The following CNTNAP2 variants were observed in gnomAD, a reference collection of about 807,000 sequenced individuals.
CNTNAP2 encodes the protein contactin associated protein 2.
Under a neutral mutation model 155.2 loss-of-function variants are expected in CNTNAP2, and 98 were observed. The observed-to-expected ratio is 0.63, with a 90% CI of 0.54 to 0.75. The LOEUF (loss-of-function observed/expected upper bound fraction) is 0.75, where lower values mean the gene tolerates loss of function less well. CNTNAP2 is among the 30% of genes least tolerant of loss of function. CNTNAP2 has a pLI of 0.00. For synonymous variants in CNTNAP2, 651 were observed against 631.2 expected, an observed-to-expected ratio of 1.03 and a Z score of -0.47; for missense variants, 1,727 against 1,688.1, an observed-to-expected ratio of 1.02 and a Z score of -0.40.
chr7:146,191,058 T>C (rs1798695494), intron 1 of CNTNAP2, among the ~76,000 whole-genome samples: 1 of 152,168 alleles, frequency 6.6e-6, no homozygotes, highest in Non-Finnish European at 1.5e-5. Flanking sequence ...TTCTTTCTGG[T>C]CACCAATTAT....
At chr7:148,021,613 G>T (rs1163075820) in intron 15 of CNTNAP2, among the ~76,000 whole-genome samples, 3 of 152,236 alleles carry the variant, frequency 2.0e-5, no homozygotes, top group Admixed American at 6.5e-5. Context: ...CTCCACCTGC[G>T]AGAGACGGCG....
intron 21 of CNTNAP2, among the ~76,000 whole-genome samples, chr7:148,342,994 C>T (rs1798261337): frequency 6.6e-6 from 1 of 152,150 alleles, no homozygotes; most frequent in Admixed American, 6.5e-5. Flanking sequence ...GGCTCCAGCC[C>T]CACACACTCT....
chr7:148,049,547 C>T (rs1382881139), intron 15 of CNTNAP2, among the ~76,000 whole-genome samples: 2 of 152,094 alleles, frequency 1.3e-5, no homozygotes, highest in African/African-American at 4.8e-5. Flanking sequence ...GTTCACACCA[C>T]ACAATGTCGT....
chr7:148,061,920 T>TATAGATAGATAG (rs112163050), intron 15 of CNTNAP2, among the ~76,000 whole-genome samples: 1,322 of 125,276 alleles, frequency 0.011, 69 homozygotes, highest in South Asian at 0.021. Context: ...GATAAACAGA[T>TATAGATAGATAG]ATAGATAGAT....
At chr7:146,659,758 AAG>A (rs1800055978) in intron 1 of CNTNAP2, among the ~76,000 whole-genome samples, 1 of 152,262 alleles carries the variant, frequency 6.6e-6, no homozygotes, top group Non-Finnish European at 1.5e-5. Context: ...ACGAACATTA[AAG>A]GAGTTTCTTA....
At chr7:148,038,649 C>A (rs903620977) in intron 15 of CNTNAP2, among the ~76,000 whole-genome samples, 2 of 152,070 alleles carry the variant, frequency 1.3e-5, no homozygotes, top group South Asian at 2.1e-4. Context: ...TGTTTGGTAC[C>A]CATTAAATGT....
At chr7:148,064,284 T>C (rs1330740315) in intron 15 of CNTNAP2, among the ~76,000 whole-genome samples, 1 of 152,154 alleles carries the variant, frequency 6.6e-6, no homozygotes, top group Non-Finnish European at 1.5e-5. Flanking sequence ...GGTATTTTGA[T>C]GGGAATTGCA....
At chr7:146,832,701 G>A in intron 2 of CNTNAP2, among the ~76,000 whole-genome samples, 1 of 150,000 alleles carries the variant, frequency 6.7e-6, no homozygotes, top group Admixed American at 6.7e-5. Context: ...ATGTCAACAT[G>A]GAAATATTAC....
At chr7:147,862,018 A>AAAAAAAAAAAAAAAAAAAC (rs1799143504) in intron 13 of CNTNAP2, among the ~76,000 whole-genome samples, 1 of 131,976 alleles carries the variant, frequency 7.6e-6, no homozygotes, top group Non-Finnish European at 1.7e-5. Flanking sequence ...AAAAAAAAAA[A>AAAAAAAAAAAAAAAAAAAC]AAAAATTAAG....
At chr7:146,629,396 A>G (rs1206702992) in intron 1 of CNTNAP2, among the ~76,000 whole-genome samples, 2 of 152,192 alleles carry the variant, frequency 1.3e-5, no homozygotes, top group African/African-American at 4.8e-5. Context: ...AATAAGGTTT[A>G]TTAAAATCCA....
At chr7:147,593,394 A>G (rs1800775102) in intron 12 of CNTNAP2, among the ~76,000 whole-genome samples, 2 of 151,416 alleles carry the variant, frequency 1.3e-5, no homozygotes, top group Admixed American at 1.3e-4. Context: ...CCTCTGGGAA[A>G]CCTAGGAAAT....
At chr7:147,087,177 C>A (rs1341706564) in intron 4 of CNTNAP2, among the ~76,000 whole-genome samples, 1 of 152,110 alleles carries the variant, frequency 6.6e-6, no homozygotes, top group Non-Finnish European at 1.5e-5. Flanking sequence ...CATTTATTTC[C>A]CTTTGAGTTA....
At chr7:147,706,842 T>C (rs1233734897) in intron 13 of CNTNAP2, among the ~76,000 whole-genome samples, 1 of 152,206 alleles carries the variant, frequency 6.6e-6, no homozygotes, top group African/African-American at 2.4e-5. Context: ...AAAATTATTT[T>C]TGTCTGGCTG....
At chr7:146,204,582 G>A (rs1271722708) in intron 1 of CNTNAP2, among the ~76,000 whole-genome samples, 1 of 152,074 alleles carries the variant, frequency 6.6e-6, no homozygotes, top group Non-Finnish European at 1.5e-5. Context: ...GATTATCTTT[G>A]TATGGAGTCT....
intron 5 of CNTNAP2, among the ~76,000 whole-genome samples, chr7:147,111,353 C>T (rs1202206274): frequency 6.6e-6 from 1 of 152,194 alleles, no homozygotes; most frequent in African/African-American, 2.4e-5. Flanking sequence ...TTTTACTGTG[C>T]AGAAGCACTT....
intron 3 of CNTNAP2, among the ~76,000 whole-genome samples, chr7:147,024,661 A>G (rs900663903): frequency 6.6e-6 from 1 of 152,228 alleles, no homozygotes; most frequent in African/African-American, 2.4e-5. Flanking sequence ...TGCACTATCA[A>G]AATTTATACC....
At chr7:148,216,732 T>A (rs1030245088) in intron 18 of CNTNAP2, among the ~76,000 whole-genome samples, 1 of 152,238 alleles carries the variant, frequency 6.6e-6, no homozygotes, top group Non-Finnish European at 1.5e-5. Context: ...CTATATGATA[T>A]GGTTTGGCTC....
chr7:148,370,819 A>C (rs1637859), intron 21 of CNTNAP2, among the ~76,000 whole-genome samples: 46,236 of 152,068 alleles, frequency 0.3, 7,766 homozygotes, highest in Non-Finnish European at 0.39. Context: ...AATGCCCCAC[A>C]GAACAAGTCT....
intron 3 of CNTNAP2, among the ~76,000 whole-genome samples, chr7:146,965,905 C>T (rs768911708): frequency 6.6e-6 from 1 of 152,154 alleles, no homozygotes; most frequent in Non-Finnish European, 1.5e-5. Flanking sequence ...CTAGCAAGAA[C>T]TTCAATCTTC....
Sources: gnomAD v4.1 joint callset for allele counts (sites outside exome capture counted in the v4.1 genomes callset) on GRCh38, gnomAD v4.1.1 for gene constraint, MANE v1.5 for transcripts, NCBI Gene and HGNC (gene_info 2026-07-23, HGNC 2026-07-21) for gene names.